The following DPY19L2 variants were observed in gnomAD, a reference collection of about 807,000 sequenced individuals.
DPY19L2 encodes the protein probable C-mannosyltransferase DPY19L2.
A neutral mutation model predicts 97.9 loss-of-function variants in DPY19L2; 34 were observed. The observed-to-expected ratio is 0.35, with a 90% CI of 0.26 to 0.46. The LOEUF is 0.46. DPY19L2 is among the 20% of genes least tolerant of loss of function. The probability of loss-of-function intolerance (pLI) is 1.00; values close to 1 mark genes in which losing one functional copy is unlikely to be tolerated. For synonymous variants in DPY19L2, 230 were observed against 307.9 expected, an observed-to-expected ratio of 0.75 and a Z score of 2.65; for missense variants, 623 against 911.4, an observed-to-expected ratio of 0.68 and a Z score of 4.07.
At chr12:63,600,446 A>G in intron 12 of DPY19L2, 60 bp from the exon 13 acceptor site, 1 of 1,325,880 alleles carries the variant, frequency 7.5e-7, no homozygotes, top group East Asian at 2.3e-5. Context: ...TAAAGTATTC[A>G]ATTATGTCTA....
intron 11 of DPY19L2, among the ~76,000 whole-genome samples, chr12:63,610,102 A>AG (rs1886693079): frequency 1.3e-5 from 2 of 152,028 alleles, no homozygotes; most frequent in South Asian, 4.2e-4. Context: ...TGAAAAAAAA[A>AG]AAAAGGCAAA....
intron 9 of DPY19L2, among the ~76,000 whole-genome samples, chr12:63,619,571 G>A (rs567902331): frequency 6.6e-6 from 1 of 151,668 alleles, no homozygotes; most frequent in Admixed American, 6.6e-5. Context: ...GAGTGCAGTA[G>A]TGCAATCTCG....
At chr12:63,637,561 C>G (rs117486564) in intron 6 of DPY19L2, among the ~76,000 whole-genome samples, 4 of 151,868 alleles carry the variant, frequency 2.6e-5, no homozygotes, top group African/African-American at 9.7e-5. Flanking sequence ...ATACAAACTA[C>G]CATCAGAGAA....
At chr12:63,569,755 A>C (rs1412860644) in intron 20 of DPY19L2, among the ~76,000 whole-genome samples, 1 of 152,170 alleles carries the variant, frequency 6.6e-6, no homozygotes, top group Non-Finnish European at 1.5e-5. Flanking sequence ...CATGAATTGA[A>C]ATTTAGTGTA....
intron 15 of DPY19L2, 111 bp from the exon 16 acceptor site, chr12:63,594,244 T>G: frequency 1.3e-6 from 1 of 797,082 alleles, no homozygotes; most frequent in Non-Finnish European, 1.9e-6. Context: ...TTTTTTAATG[T>G]TTAAGGGAGT....
In DPY19L2 at chr12:63,570,875, A is replaced by T. The variant is rs777410187; in HGVS notation, c.1901-18T>A. On this transcript the variant is annotated intron_variant, in intron 19 of 21. Transcript: ENST00000324472. Reference sequence around the variant, plus strand: ...GACAGCATCTGAAAAAAAAAAAAGGATATATTCTTCAATTAAATGTTTTAA... The same window carrying T: ...GACAGCATCTGAAAAAAAAAAAAGGTTATATTCTTCAATTAAATGTTTTAA... 2 of 1,580,378 alleles carry T rather than the reference A, an allele frequency of 1.3e-6. No homozygotes were observed. Among genetic ancestry groups the T allele is most frequent in the Non-Finnish European group, 1.7e-6 (2 of 1,163,574 alleles).
At chr12:63,612,946 A>G (rs995782941) in intron 11 of DPY19L2, among the ~76,000 whole-genome samples, 12 of 152,222 alleles carry the variant, frequency 7.9e-5, no homozygotes, top group African/African-American at 2.9e-4. Context: ...AGATACAACC[A>G]AAGTTCACTC....
At position 63,594,075 on chromosome 12, in the gene DPY19L2, T is replaced by C. The variant is rs1217833115; in HGVS notation, c.1580+12A>G. 3 of 1,483,514 alleles carry C rather than the reference T, an allele frequency of 2.0e-6. No individual in the cohort carries two copies. The highest frequency in any genetic ancestry group is 2.3e-5 in the East Asian group (1 of 43,080). The allele number at this position is 1,483,514 out of a possible 1,614,324, so 91.9% of individuals were successfully genotyped here. On this transcript the variant is annotated intron_variant, in intron 16 of 21. Coordinates refer to ENST00000324472, the MANE Select transcript of DPY19L2 (RefSeq NM_173812.5). ...ATACTGTATGTTTTAAAAACAATGA[T>C]GATATAATTACCTTAGATAAATGTT...
intron 16 of DPY19L2, among the ~76,000 whole-genome samples, chr12:63,585,808 A>C (rs1881695444): frequency 6.6e-6 from 1 of 152,202 alleles, no homozygotes; most frequent in Non-Finnish European, 1.5e-5. Flanking sequence ...ATGCAAATGA[A>C]AACTCCAATT....
At chr12:63,564,876 A>C (rs1348487656) in intron 21 of DPY19L2, among the ~76,000 whole-genome samples, 2 of 152,106 alleles carry the variant, frequency 1.3e-5, no homozygotes, top group Admixed American at 6.6e-5. Flanking sequence ...AAGTTCTATC[A>C]GTTGTATTTC....
At chr12:63,647,534 C>G (rs918835729) in intron 4 of DPY19L2, among the ~76,000 whole-genome samples, 169 bp from the exon 5 acceptor site, 1 of 152,004 alleles carries the variant, frequency 6.6e-6, no homozygotes, top group Non-Finnish European at 1.5e-5. Flanking sequence ...GGCAAACTAT[C>G]GCAAGGACAT....
chr12:63,594,463 TAGTGTGTGTGTG>T (rs1883760780), intron 15 of DPY19L2, among the ~76,000 whole-genome samples: 1 of 71,166 alleles, frequency 1.4e-5, no homozygotes. Flanking sequence ...GAGAGAGAGA[TAGTGTGTGTGTG>T]TGTGTGTGTG....
chr12:63,667,199 T>C (rs543512951), intron 1 of DPY19L2, among the ~76,000 whole-genome samples: 1 of 152,294 alleles, frequency 6.6e-6, no homozygotes, highest in Admixed American at 6.5e-5. Flanking sequence ...TTAGGCTTCA[T>C]TAATTTTAAA....
At chr12:63,633,957 G>A (rs990021600) in intron 6 of DPY19L2, among the ~76,000 whole-genome samples, 22 of 151,924 alleles carry the variant, frequency 1.4e-4, no homozygotes, top group Admixed American at 9.8e-4. Context: ...GCAAACTATC[G>A]CAAAGACAAA....
intron 19 of DPY19L2, 136 bp downstream of exon 19, chr12:63,580,526 G>C: frequency 1.1e-6 from 1 of 912,652 alleles, no homozygotes. Context: ...AAGTCTGTGA[G>C]AGTATGAATG....
intron 18 of DPY19L2, among the ~76,000 whole-genome samples, chr12:63,581,066 T>C (rs529931512): frequency 1.1e-4 from 17 of 152,292 alleles, no homozygotes; most frequent in Admixed American, 5.2e-4. Context: ...AAGGAAGATA[T>C]ACCTGATCCT....
At chr12:63,578,136 T>TA (rs1377626485) in intron 19 of DPY19L2, among the ~76,000 whole-genome samples, 25 of 152,068 alleles carry the variant, frequency 1.6e-4, no homozygotes, top group Middle Eastern at 3.4e-3. Flanking sequence ...GAACCTGTCA[T>TA]AAAAAAAGAA....
rs71086687 is a variant in DPY19L2 at position 63,589,357 on chromosome 12, C to CAAAAAAAAAAAAAAAA, written c.1580+4714_1580+4729dup. 3.2e-4 allele frequency among the ~76,000 whole-genome samples: 6 copies of CAAAAAAAAAAAAAAAA among 18,994 alleles called. 1 individual carries two copies. The highest frequency in any genetic ancestry group is 9.6e-4 in the Admixed American group (1 of 1,040). The allele number at this position is 18,994 out of a possible 152,430, so 12.5% of individuals were successfully genotyped here. ...AATGTGGCTAGATAAAAATGTGTTG[C>CAAAAAAAAAAAAAAAA]AAAAAAAAAAAAAAAAAAAAAAAAA... On this transcript the variant is annotated intron_variant, in intron 16 of 21. Transcript: ENST00000324472.
rs190955952 is a variant in DPY19L2, at chr12:63,596,481, C to A, written c.1462-444G>T. 4.2e-3 allele frequency among the ~76,000 whole-genome samples: 635 copies of A among 152,208 alleles called. 9 individuals carry two copies. The highest frequency in any genetic ancestry group is 0.014 in the African/African-American group (600 of 41,542). ...AAACTATGAATAAGTACAGAAATAA[C>A]ATTGGCTAACTAATTCTGATGACCT... On this transcript the variant is annotated intron_variant, in intron 14 of 21. Transcript: ENST00000324472.
Sources: allele counts gnomAD v4.1 joint callset (sites outside exome capture counted in the v4.1 genomes callset), GRCh38; gene constraint gnomAD v4.1.1; transcripts MANE v1.5; gene names NCBI Gene and HGNC (gene_info 2026-07-23, HGNC 2026-07-21).